Variants in RALGDS observed in about 807,000 individuals in gnomAD.
RALGDS encodes the protein ral guanine nucleotide dissociation stimulator, also known as ral guanine nucleotide exchange factor.
Under a neutral mutation model 99.8 loss-of-function variants are expected in RALGDS, and 44 were observed. The observed-to-expected ratio is 0.44, with a 90% CI of 0.35 to 0.57. The LOEUF (loss-of-function observed/expected upper bound fraction) is 0.57, where lower values mean the gene tolerates loss of function less well. Among genes scored for constraint, RALGDS ranks in the 20% least tolerant of loss-of-function variants. RALGDS has a pLI of 0.01. For missense variants in RALGDS, 1,022 were observed against 1,203.1 expected (o/e 0.85, Z 2.23); for synonymous variants, 529 against 505.0 (o/e 1.05, Z -0.64).
At chr9:133,142,387 T>C (rs1215544454) in intron 1 of RALGDS, among the ~76,000 whole-genome samples, 2 of 152,066 alleles carry the variant, frequency 1.3e-5, no homozygotes, top group African/African-American at 4.8e-5. Context: ...GGGTTGGAAG[T>C]GAGCCATCGG....
chr9:133,141,523 AG>A (rs1339518302), intron 1 of RALGDS, among the ~76,000 whole-genome samples: 1 of 152,102 alleles, frequency 6.6e-6, no homozygotes, highest in African/African-American at 2.4e-5. Flanking sequence ...GGAGGCTCAG[AG>A]GGGACCTGTG....
intron 1 of RALGDS, among the ~76,000 whole-genome samples, chr9:133,139,394 C>T (rs1271767496): frequency 6.6e-6 from 1 of 152,210 alleles, no homozygotes; most frequent in East Asian, 1.9e-4. Flanking sequence ...GCGGCTATTT[C>T]GAGGGGGCAG....
intron 1 of RALGDS, among the ~76,000 whole-genome samples, chr9:133,114,349 G>A (rs1233793935): frequency 6.6e-6 from 1 of 152,186 alleles, no homozygotes; most frequent in Non-Finnish European, 1.5e-5. Context: ...GGAGTACAGG[G>A]GCTGTTTAAA....
chr9:133,107,221 A>C lies in RALGDS; in HGVS notation c.1277T>G (p.Leu426Arg), dbSNP rs1244752060. The C allele has an allele frequency of 6.2e-7, 1 of 1,613,730 alleles. No individual in the cohort carries two copies. The highest frequency in any genetic ancestry group is 1.7e-5 in the Admixed American group (1 of 60,032). Residue 426 changes from leucine to arginine, a missense_variant, in exon 7 of 18, where the codon CTG (leucine) becomes CGG (arginine). Around this residue, in one of 3 missense-constraint regions of RALGDS, gnomAD observed 825 missense variants for 994.5 expected, o/e 0.83. Coordinates refer to ENST00000372050, the MANE Select transcript of RALGDS (RefSeq NM_006266.4). Reference sequence around the variant, plus strand: ...GACAGTGGCGCGGATGGTGGGCGCCAGGTGCTCCTTGCCCTTCTTGTCCCG... The same window carrying C: ...GACAGTGGCGCGGATGGTGGGCGCCCGGTGCTCCTTGCCCTTCTTGTCCCG... ...SQRDKKGKEHLAPTIRATVTQ... is the reference protein window; with the variant it reads ...SQRDKKGKEHRAPTIRATVTQ...
intron 1 of RALGDS, among the ~76,000 whole-genome samples, chr9:133,138,283 A>G (rs188853852): frequency 9.9e-5 from 15 of 152,242 alleles, no homozygotes; most frequent in Non-Finnish European, 2.1e-4. Context: ...CCTGGGTCTG[A>G]GGGACACTGC....
Position 133,121,227 on chromosome 9 carries a change from G to A in RALGDS, c.-73C>T. On this transcript the variant is annotated 5_prime_UTR_variant, in exon 1 of 18. Coordinates refer to ENST00000372050, the MANE Select transcript of RALGDS (RefSeq NM_006266.4). ...GCGGCGGCGCGGCCCGCGCGGCTGG[G>A]CTTTGCCACCGCTGTGAGCCCGCGG... is the stretch of plus-strand genomic sequence containing the variant. The A allele has an allele frequency of 2.0e-6, 2 of 988,122 alleles. No homozygotes were observed. The highest frequency in any genetic ancestry group is 2.4e-6 in the Non-Finnish European group (2 of 833,298). The allele number at this position is 988,122 out of a possible 1,614,324, so 61.2% of individuals were successfully genotyped here.
intron 1 of RALGDS, among the ~76,000 whole-genome samples, chr9:133,120,427 G>GGCC (rs1491378609): frequency 3.4e-5 from 1 of 29,010 alleles, no homozygotes. Context: ...CCCATCCCCC[G>GGCC]ACCCCCCCCC....
chr9:133,138,174 G>C (rs1281863511), intron 1 of RALGDS, among the ~76,000 whole-genome samples: 2 of 152,216 alleles, frequency 1.3e-5, no homozygotes, highest in Non-Finnish European at 2.9e-5. Context: ...GCTGCCAGGA[G>C]GTGGCAGGGC....
At position 133,102,537 on chromosome 9, in the gene RALGDS, C is replaced by T; in HGVS notation, c.1948G>A (p.Glu650Lys). Residue 650 changes from glutamate to lysine, a missense_variant, in exon 14 of 18, where the codon GAG becomes AAG. Transcript: ENST00000372050. ...NLSCELEPPS[E>K]SASNTLRTKK... ...GTCCTGAGGGTGTTGCTGGCTGACT[C>T]GGATGGGGGCTCCAGCTCGCACGAC... The T allele has an allele frequency of 2.5e-6, 4 of 1,614,104 alleles. No homozygotes were observed. The highest frequency in any genetic ancestry group is 3.4e-6 in the Non-Finnish European group (4 of 1,180,026).
intron 1 of RALGDS, among the ~76,000 whole-genome samples, chr9:133,120,428 A>ACCCCCCCCCCCC (rs71378548): frequency 1.1e-3 from 67 of 60,026 alleles, no homozygotes; most frequent in South Asian, 1.6e-3. Context: ...CCATCCCCCG[A>ACCCCCCCCCCCC]CCCCCCCCCC....
chr9:133,129,220 C>T, intron 1 of RALGDS: 1 of 1,597,312 alleles, frequency 6.3e-7, no homozygotes, highest in Non-Finnish European at 8.5e-7. Context: ...CGGCCCTTCT[C>T]CTGGCGGTCA....
At chr9:133,123,739 G>A, upstream of RALGDS, among the ~76,000 whole-genome samples, 1 of 124,346 alleles carries the variant, frequency 8.0e-6, no homozygotes, top group Non-Finnish European at 1.8e-5. Context: ...CACACACATA[G>A]AGACAGAGAC....
At chr9:133,135,319 C>A (rs1017882892), upstream of RALGDS, among the ~76,000 whole-genome samples, 1 of 152,218 alleles carries the variant, frequency 6.6e-6, no homozygotes, top group East Asian at 1.9e-4. Context: ...CTTGGCACCA[C>A]CCCAGGCAGG....
chr9:133,103,229 C>T lies in RALGDS; in HGVS notation c.1791+1G>A. 6.2e-7 allele frequency: 1 copy of T among 1,613,914 alleles called. No individual in the cohort carries two copies. ...AGTCAGGGCTGCCTGCAGCTGCTTA[C>T]CTTCCTCCTCTTCTCAAAGTTGATG... On this transcript the variant is annotated splice_donor_variant, in intron 12 of 17. Transcript: ENST00000372050. LOFTEE classifies it high-confidence loss of function.
intron 16 of RALGDS, 48 bp downstream of exon 16, chr9:133,101,472 A>C (rs1189041095): frequency 1.9e-6 from 3 of 1,607,590 alleles, no homozygotes; most frequent in Non-Finnish European, 2.5e-6. Context: ...TTCAGGGTGC[A>C]TTTGCCGCCA....
At chr9:133,106,609 C>T in intron 8 of RALGDS, 36 bp downstream of exon 8, 1 of 1,502,788 alleles carries the variant, frequency 6.7e-7, no homozygotes, top group South Asian at 1.2e-5. Flanking sequence ...TGGGAGGTCC[C>T]TGGTGCACCA....
upstream of RALGDS, among the ~76,000 whole-genome samples, chr9:133,134,655 C>T (rs973941248): frequency 5.9e-5 from 9 of 152,116 alleles, no homozygotes; most frequent in African/African-American, 2.2e-4. Flanking sequence ...CTGCTGGGAC[C>T]CTGTCCCTGG....
chr9:133,101,924 G>T lies in RALGDS; in HGVS notation c.2211+14C>A. ...AGATGGGAAAGGATATTGGGGAGAA[G>T]GGCAGGCAGTCACCTTCTTTTCCTG... On this transcript the variant is annotated intron_variant, in intron 15 of 17. Transcript: ENST00000372050. 1 of 1,551,036 alleles carries T rather than the reference G, an allele frequency of 6.4e-7. No homozygotes were observed. Among genetic ancestry groups the T allele is most frequent in the Non-Finnish European group, 8.7e-7 (1 of 1,147,056 alleles).
rs772333425 is a variant in RALGDS at position 133,129,133 on chromosome 9, A to T, written c.132+1819T>A. 1.3e-5 allele frequency: 21 copies of T among 1,585,984 alleles called. No homozygotes were observed. The East Asian group carries it at 4.7e-4, about 36-fold the overall frequency. ...GGCAGAGGCACTGGTTGCCCTGGAA[A>T]CTCACCTCGGTGGTGGCCGGTGCTG... On this transcript the variant is annotated intron_variant, in intron 1 of 17. Coordinates refer to the RALGDS transcript ENST00000372062.
Sources: allele counts gnomAD v4.1 joint callset (sites outside exome capture counted in the v4.1 genomes callset), GRCh38; gene constraint gnomAD v4.1.1; regional missense constraint gnomAD v4.1.1; transcripts MANE v1.5; gene names NCBI Gene and HGNC (gene_info 2026-07-23, HGNC 2026-07-21).